The following GRID2 variants were observed in gnomAD, a reference collection of about 807,000 sequenced individuals.
The protein encoded by GRID2 is glutamate ionotropic receptor delta type subunit 2.
Under a neutral mutation model 114.8 loss-of-function variants are expected in GRID2, and 33 were observed. The ratio of observed to expected loss-of-function variants is 0.29; its 90% confidence interval spans 0.22 to 0.38. GRID2 has a LOEUF of 0.38. Among genes scored for constraint, GRID2 ranks in the 10% least tolerant of loss-of-function variants. The pLI is 1.00. For missense variants in GRID2, 1,184 were observed against 1,257.7 expected, an observed-to-expected ratio of 0.94 and a Z score of 0.89; for synonymous variants, 505 against 449.9, an observed-to-expected ratio of 1.12 and a Z score of -1.55.
chr4:93,214,997 C>T (rs1744022288), intron 5 of GRID2, among the ~76,000 whole-genome samples: 1 of 151,992 alleles, frequency 6.6e-6, no homozygotes, highest in African/African-American at 2.4e-5. Flanking sequence ...AGCTTCAAGT[C>T]TTCCTGAATC....
chr4:93,652,320 T>C (rs927997626), intron 14 of GRID2, among the ~76,000 whole-genome samples: 3 of 152,080 alleles, frequency 2.0e-5, no homozygotes. Flanking sequence ...GATCTCAGAC[T>C]TCAGCCTCCA....
chr4:93,121,933 G>C (rs533565366), intron 4 of GRID2, among the ~76,000 whole-genome samples: 1 of 152,036 alleles, frequency 6.6e-6, no homozygotes, highest in South Asian at 2.1e-4. Context: ...TTCTTTTATG[G>C]AGTGCCTGTT....
chr4:93,063,687 G>A (rs1393311003), intron 2 of GRID2, among the ~76,000 whole-genome samples: 4 of 151,710 alleles, frequency 2.6e-5, no homozygotes, highest in African/African-American at 9.7e-5. Flanking sequence ...AAATGAAAAA[G>A]TAACTGTCTT....
At chr4:92,962,685 A>G (rs1752900311) in intron 2 of GRID2, among the ~76,000 whole-genome samples, 1 of 151,780 alleles carries the variant, frequency 6.6e-6, no homozygotes, top group African/African-American at 2.4e-5. Flanking sequence ...TTCCTCTAAT[A>G]TTCACTGTGG....
In GRID2 at chr4:92,960,832, C is replaced by T. The variant is rs565541893; in HGVS notation, c.245-124163C>T. On this transcript the variant is annotated intron_variant, in intron 2 of 15. Transcript: ENST00000282020. ...TCCTTTTTTTGTCTTCTACTCTTTCCGCATTTTATGAATTTAATTGATCAC... is the reference window on the plus strand; with the variant it reads ...TCCTTTTTTTGTCTTCTACTCTTTCTGCATTTTATGAATTTAATTGATCAC... 6.6e-5 allele frequency among the ~76,000 whole-genome samples: 10 copies of T among 151,672 alleles called. No individual in the cohort carries two copies. The East Asian group carries it at 9.7e-4, about 15-fold the overall frequency.
At position 93,399,863 on chromosome 4, in the gene GRID2, G is replaced by A. The variant is rs113712900; in HGVS notation, c.1347+4155G>A. ...GTTAGTCTTTCAGGACACAGAGGAAGGCAGTGAAGCCCTCAGTGAATCCAG... is the reference window on the plus strand; with the variant it reads ...GTTAGTCTTTCAGGACACAGAGGAAAGCAGTGAAGCCCTCAGTGAATCCAG... On this transcript the variant is annotated intron_variant, in intron 9 of 15. Coordinates refer to ENST00000282020, the MANE Select transcript of GRID2 (RefSeq NM_001510.4). Among the ~76,000 whole-genome samples, 386 of 152,190 alleles carry A rather than the reference G, an allele frequency of 2.5e-3. 1 individual carries two copies. The highest frequency in any genetic ancestry group is 8.6e-3 in the African/African-American group (357 of 41,556).
intron 13 of GRID2, among the ~76,000 whole-genome samples, chr4:93,619,068 T>C (rs980275320): frequency 6.6e-6 from 1 of 152,210 alleles, no homozygotes; most frequent in Non-Finnish European, 1.5e-5. Context: ...TGATGTTTAT[T>C]TTAAATACAT....
chr4:93,006,020 T>C (rs1035362282), intron 2 of GRID2, among the ~76,000 whole-genome samples: 14 of 152,036 alleles, frequency 9.2e-5, no homozygotes, highest in Non-Finnish European at 1.6e-4. Flanking sequence ...TTCTCCTAAA[T>C]CAAATCCTAG....
intron 2 of GRID2, among the ~76,000 whole-genome samples, chr4:92,614,713 C>T (rs1415363821): frequency 6.6e-6 from 1 of 151,558 alleles, no homozygotes; most frequent in African/African-American, 2.4e-5. Flanking sequence ...GATGACAGGT[C>T]AAATTTGTTG....
chr4:93,354,452 AT>A (rs1227813156), intron 8 of GRID2, among the ~76,000 whole-genome samples: 10 of 151,880 alleles, frequency 6.6e-5, no homozygotes, highest in African/African-American at 2.4e-4. Flanking sequence ...AAAGAAGCAA[AT>A]TTTTTTGAGG....
chr4:92,877,716 C>A (rs1335263372), intron 2 of GRID2, among the ~76,000 whole-genome samples: 1 of 152,090 alleles, frequency 6.6e-6, no homozygotes, highest in East Asian at 1.9e-4. Flanking sequence ...CTCTGAAAAC[C>A]ATATAGTCCT....
rs956445777 is a variant in GRID2 at position 93,398,944 on chromosome 4, G to T, written c.1347+3236G>T. The stretch of plus-strand genomic sequence containing the variant: ...TTCCCTTCTTATTTATTTTCTACAA[G>T]TGCCTTTTCAGGTCTAGCTCTTAGT... On this transcript the variant is annotated intron_variant, in intron 9 of 15. Transcript: ENST00000282020. Among the ~76,000 whole-genome samples, 15 of 151,686 alleles carry T rather than the reference G, an allele frequency of 9.9e-5. No individual in the cohort carries two copies. The Admixed American group carries it at 9.9e-4, about 10-fold the overall frequency.
intron 8 of GRID2, among the ~76,000 whole-genome samples, chr4:93,366,849 ATATAT>A (rs892059552): frequency 2.3e-4 from 35 of 152,190 alleles, no homozygotes; most frequent in East Asian, 1.7e-3. Context: ...CCCCGATAAA[ATATAT>A]TATATAGGGA....
intron 8 of GRID2, among the ~76,000 whole-genome samples, chr4:93,301,685 T>C (rs1248557458): frequency 2.0e-5 from 3 of 152,178 alleles, no homozygotes; most frequent in Non-Finnish European, 4.4e-5. Context: ...CTTAGTTACA[T>C]AATCCTACGT....
intron 4 of GRID2, among the ~76,000 whole-genome samples, chr4:93,162,970 G>T (rs142214004): frequency 6.6e-6 from 1 of 151,874 alleles, no homozygotes; most frequent in East Asian, 1.9e-4. Flanking sequence ...ATTTTCTAGA[G>T]CATAATAGTT....
intron 3 of GRID2, among the ~76,000 whole-genome samples, chr4:93,100,741 T>C (rs1731621729): frequency 6.6e-6 from 1 of 151,438 alleles, no homozygotes; most frequent in Non-Finnish European, 1.5e-5. Flanking sequence ...ATTAAAAAGA[T>C]TAAATGTGCC....
chr4:92,455,307 C>A (rs367547168), intron 1 of GRID2, among the ~76,000 whole-genome samples: 31 of 152,248 alleles, frequency 2.0e-4, no homozygotes, highest in African/African-American at 7.2e-4. Context: ...AGAGACATTT[C>A]CGTGTTCTTG....
intron 2 of GRID2, among the ~76,000 whole-genome samples, chr4:92,901,285 G>A (rs80313867): frequency 0.017 from 2,647 of 152,182 alleles, 29 homozygotes; most frequent in East Asian, 0.054. Flanking sequence ...TATGTAAGAT[G>A]GCTATCTTGT....
intron 2 of GRID2, among the ~76,000 whole-genome samples, chr4:92,877,826 A>C (rs1745743333): frequency 6.6e-6 from 1 of 152,182 alleles, no homozygotes; most frequent in Non-Finnish European, 1.5e-5. Context: ...GAATGACTTA[A>C]GATTTCAAGA....
Sources: allele counts gnomAD v4.1 joint callset (sites outside exome capture counted in the v4.1 genomes callset), GRCh38; gene constraint gnomAD v4.1.1; transcripts MANE v1.5; gene names NCBI Gene and HGNC (gene_info 2026-07-23, HGNC 2026-07-21).